The following BICRAL variants were observed in gnomAD, a reference collection of about 807,000 sequenced individuals.
The protein encoded by BICRAL is BICRA like chromatin remodeling complex associated protein, also known as BRD4-interacting chromatin-remodeling complex-associated protein-like.
BICRAL carries 8 observed loss-of-function variants against 91.8 expected under a neutral mutation model. The observed-to-expected ratio is 0.09, with a 90% confidence interval of 0.05 to 0.16. The LOEUF (loss-of-function observed/expected upper bound fraction) is 0.16. Among genes scored for constraint, BICRAL ranks in the 10% least tolerant of loss-of-function variants. The probability of loss-of-function intolerance (pLI) is 1.00; values close to 1 mark genes in which losing one functional copy is unlikely to be tolerated. For missense variants in BICRAL, 1,038 were observed against 1,310.9 expected (o/e 0.79, Z 3.21); for synonymous variants, 445 against 491.1 (o/e 0.91, Z 1.24).
intron 6 of BICRAL, among the ~76,000 whole-genome samples, chr6:42,849,478 C>T (rs539051899): frequency 1.6e-4 from 23 of 145,140 alleles, no homozygotes; most frequent in Non-Finnish European, 2.5e-4. Context: ...CTCACTCTGT[C>T]GGCCAGGCTG....
intron 12 of BICRAL, 95 bp downstream of exon 12, chr6:42,862,707 C>G (rs1765591464): frequency 1.3e-6 from 1 of 783,522 alleles, no homozygotes; most frequent in African/African-American, 1.7e-5. Flanking sequence ...GGGTAAGAAA[C>G]TTGAAGGTAG....
At position 42,862,610 on chromosome 6, in the gene BICRAL, C is replaced by G. The variant is rs946029867; in HGVS notation, c.2450C>G (p.Pro817Arg). Residue 817 changes from proline to arginine, a missense_variant and splice_region_variant, in exon 12 of 13, where the codon CCT becomes CGT. By Grantham distance (103) the Pro-to-Arg change is moderately radical. Around this residue, in one of 5 missense-constraint regions of BICRAL, gnomAD observed 294 missense variants for 292.6 expected, o/e 1.00. Coordinates refer to ENST00000314073, the MANE Select transcript of BICRAL (RefSeq NM_001393499.1). ...SRDKRLALVD[P>R]EGFQADFCCS... Reference sequence around the variant, plus strand: ...GACAAGCGTTTGGCACTTGTAGACCCTGGTAAGAAACATCGCAGTGAAAGT... The same window carrying G: ...GACAAGCGTTTGGCACTTGTAGACCGTGGTAAGAAACATCGCAGTGAAAGT... The G allele has an allele frequency of 1.3e-6, 2 of 1,577,738 alleles. No individual in the cohort carries two copies. The highest frequency in any genetic ancestry group is 1.7e-5 in the Admixed American group (1 of 59,890).
intron 6 of BICRAL, among the ~76,000 whole-genome samples, chr6:42,830,957 C>T (rs1032386234): frequency 1.3e-5 from 2 of 152,094 alleles, no homozygotes; most frequent in African/African-American, 4.8e-5. Flanking sequence ...AGAGTGGAGA[C>T]TCTGGAGTTA....
At position 42,830,044 on chromosome 6, in the gene BICRAL, C is replaced by G; in HGVS notation, c.1711C>G (p.Leu571Val). 2 of 1,614,162 alleles carry G rather than the reference C, an allele frequency of 1.2e-6. No individual in the cohort carries two copies. Among genetic ancestry groups the G allele is most frequent in the Non-Finnish European group, 1.7e-6 (2 of 1,180,038 alleles). The part of the protein sequence containing the change: ...SSGSNFTGDQ[L>V]TQPNRTPVPV... ...AGGATCAAACTTTACAGGAGATCAG[C>G]TGACCCAGCCAAACAGGACTCCAGT... is the stretch of plus-strand genomic sequence containing the variant. Residue 571 changes from leucine to valine, a missense_variant, in exon 6 of 13, where the codon CTG becomes GTG. Physicochemically the swap from Leu to Val is conservative, Grantham distance 32. Coordinates refer to ENST00000314073, the MANE Select transcript of BICRAL (RefSeq NM_001393499.1).
intron 1 of BICRAL, among the ~76,000 whole-genome samples, chr6:42,796,775 C>T (rs2113890250): frequency 6.6e-6 from 1 of 152,044 alleles, no homozygotes; most frequent in East Asian, 1.9e-4. Context: ...CGGCCGGGTG[C>T]AGTGCTCACA....
In BICRAL at chr6:42,868,333, C is replaced by G. The variant is rs1303191060; in HGVS notation, c.*2887C>G. The G allele has an allele frequency of 6.6e-6, 1 of 151,206 alleles. No individual in the cohort carries two copies. The highest frequency in any genetic ancestry group is 1.9e-4 in the East Asian group (1 of 5,174). 9.4% of individuals were successfully genotyped at this position (151,206 alleles called of 1,614,324 possible). On this transcript the variant is annotated 3_prime_UTR_variant, in exon 13 of 13. Transcript: ENST00000314073. The stretch of plus-strand genomic sequence containing the variant: ...CTTAAATACCTTCATTTGTATAGTA[C>G]GTCTCACTTGAAATTGCTTTGTATA...
intron 1 of BICRAL, among the ~76,000 whole-genome samples, chr6:42,763,620 A>C (rs1326522569): frequency 1.3e-5 from 2 of 152,068 alleles, no homozygotes; most frequent in Non-Finnish European, 2.9e-5. Flanking sequence ...CAGGAGTTCA[A>C]GACCAGCCTG....
At chr6:42,860,498 TG>T in intron 11 of BICRAL, 142 bp downstream of exon 11, 1 of 558,776 alleles carries the variant, frequency 1.8e-6, no homozygotes, top group Admixed American at 3.2e-5. Context: ...TACGCTTAGC[TG>T]CTACTACAAA....
Position 42,864,974 on chromosome 6 carries a change from G to A in BICRAL, c.2768G>A (p.Ser923Asn), listed in dbSNP as rs778682031. The A allele has an allele frequency of 6.2e-7, 1 of 1,614,130 alleles. No homozygotes were observed. The highest frequency in any genetic ancestry group is 8.5e-7 in the Non-Finnish European group (1 of 1,180,038). ...QYQSTSEEKA[S>N]RREPLKASQC... ...CAGAGCACGTCTGAAGAGAAGGCCAGCCGGAGAGAGCCTCTGAAGGCCAGT... is the reference window on the plus strand; with the variant it reads ...CAGAGCACGTCTGAAGAGAAGGCCAACCGGAGAGAGCCTCTGAAGGCCAGT... The change falls in exon 13 of 13, where the codon AGC becomes AAC. Residue 923 changes from serine to asparagine, a missense_variant. Transcript: ENST00000314073.
At chr6:42,826,538 A>G (rs1205526532) in intron 5 of BICRAL, among the ~76,000 whole-genome samples, 1 of 151,584 alleles carries the variant, frequency 6.6e-6, no homozygotes, top group Non-Finnish European at 1.5e-5. Context: ...CCCAGCCTCC[A>G]TGTTCTTAAC....
chr6:42,758,712 CAA>C (rs71758339), intron 1 of BICRAL, among the ~76,000 whole-genome samples: 64 of 103,510 alleles, frequency 6.2e-4, no homozygotes, highest in Non-Finnish European at 6.2e-4. Flanking sequence ...TCGGGGGGTC[CAA>C]AAAAAAAAAA....
At chr6:42,762,800 C>T (rs758753302) in intron 1 of BICRAL, among the ~76,000 whole-genome samples, 1 of 151,954 alleles carries the variant, frequency 6.6e-6, no homozygotes, top group African/African-American at 2.4e-5. Flanking sequence ...TGGTGGTACA[C>T]GCCTGTAGTC....
rs1765711237 is a variant in BICRAL, at chr6:42,866,362, G to A, written c.*916G>A. The stretch of plus-strand genomic sequence containing the variant: ...TATGTTAACTATTGAGAAAAAACAA[G>A]TTTTGCATTTTATAATTGGATATAG... On this transcript the variant is annotated 3_prime_UTR_variant, in exon 13 of 13. Transcript: ENST00000314073. The A allele has an allele frequency of 1.2e-5, 2 of 167,760 alleles. No homozygotes were observed. Among genetic ancestry groups the A allele is most frequent in the African/African-American group, 4.8e-5 (2 of 41,612 alleles). 10.4% of individuals were successfully genotyped at this position (167,760 alleles called of 1,614,324 possible). A position where few individuals can be genotyped will look rare whatever the true frequency, so the allele number is the denominator to read the frequency against.
At chr6:42,766,752 T>C (rs1002053652) in intron 1 of BICRAL, among the ~76,000 whole-genome samples, 2 of 151,478 alleles carry the variant, frequency 1.3e-5, no homozygotes, top group Non-Finnish European at 2.9e-5. Context: ...AACAGAAGAA[T>C]TGATTGTGCC....
Position 42,864,743 on chromosome 6 carries a change from G to A in BICRAL, c.2537G>A (p.Gly846Asp). ...ETQFGRSDQH[G>D]SKASSSLQPP... ...CAGTTTGGCCGGAGTGACCAGCATG[G>A]CAGTAAAGCAAGCAGCTCTCTGCAA... Residue 846 changes from glycine (G) to aspartate (D), a missense_variant, in exon 13 of 13, where the codon GGC (glycine) becomes GAC (aspartate). Physicochemically the swap from Gly to Asp is moderately conservative, Grantham distance 94. Coordinates refer to ENST00000314073, the MANE Select transcript of BICRAL (RefSeq NM_001393499.1). 6.2e-7 allele frequency: 1 copy of A among 1,614,182 alleles called. No homozygotes were observed. Among genetic ancestry groups the A allele is most frequent in the Non-Finnish European group, 8.5e-7 (1 of 1,180,024 alleles).
At chr6:42,801,515 C>CA (rs1763571490) in intron 1 of BICRAL, among the ~76,000 whole-genome samples, 2 of 151,988 alleles carry the variant, frequency 1.3e-5, no homozygotes, top group Non-Finnish European at 2.9e-5. Flanking sequence ...TGGCATTGTA[C>CA]AAAAATGTCC....
intron 6 of BICRAL, among the ~76,000 whole-genome samples, chr6:42,843,959 G>C (rs988593762): frequency 6.7e-6 from 1 of 149,426 alleles, no homozygotes; most frequent in East Asian, 2.0e-4. Context: ...TCACCATGCC[G>C]GCTAATTTTT....
intron 1 of BICRAL, among the ~76,000 whole-genome samples, chr6:42,775,734 A>AT (rs961307458): frequency 1.3e-5 from 2 of 152,070 alleles, no homozygotes; most frequent in Admixed American, 6.6e-5. Flanking sequence ...AGGAGTTCAG[A>AT]TTTTTTTTAA....
intron 10 of BICRAL, among the ~76,000 whole-genome samples, chr6:42,857,577 C>A (rs1259529901): frequency 7.8e-6 from 1 of 128,948 alleles, no homozygotes; most frequent in Non-Finnish European, 1.6e-5. Flanking sequence ...CCTGCCTGGG[C>A]AACATAGGGA....
Sources: allele counts gnomAD v4.1 joint callset (sites outside exome capture counted in the v4.1 genomes callset), GRCh38; gene constraint gnomAD v4.1.1; regional missense constraint gnomAD v4.1.1; transcripts MANE v1.5; gene names NCBI Gene and HGNC (gene_info 2026-07-23, HGNC 2026-07-21).